ZMYND8: variants seen among roughly 807,000 people sequenced by gnomAD.
The protein encoded by ZMYND8 is MYND-type zinc finger-containing chromatin reader ZMYND8.
A neutral mutation model predicts 140.8 loss-of-function variants in ZMYND8; 37 were observed. That is an observed-to-expected ratio of 0.26 (90% CI 0.20 to 0.35). The LOEUF (loss-of-function observed/expected upper bound fraction) is 0.35, where lower values mean the gene tolerates loss of function less well. ZMYND8 is among the 10% of genes least tolerant of loss of function. The probability of loss-of-function intolerance (pLI) is 1.00; values close to 1 mark genes in which losing one functional copy is unlikely to be tolerated. For synonymous variants in ZMYND8, 592 were observed against 597.1 expected (o/e 0.99, Z 0.12); for missense variants, 1,068 against 1,570.0 (o/e 0.68, Z 5.40).
At chr20:47,260,745 G>T (rs1341448599) in intron 12 of ZMYND8, among the ~76,000 whole-genome samples, 1 of 152,082 alleles carries the variant, frequency 6.6e-6, no homozygotes, top group Non-Finnish European at 1.5e-5. Context: ...TGCCTCTCAT[G>T]GTGTGAACTG....
At chr20:47,277,988 T>C (rs1186151255) in intron 10 of ZMYND8, among the ~76,000 whole-genome samples, 1 of 151,948 alleles carries the variant, frequency 6.6e-6, no homozygotes, top group Non-Finnish European at 1.5e-5. Flanking sequence ...CTTGTTTTTT[T>C]AAGAGACAAG....
chr20:47,322,875 G>A (rs1378040447), intron 2 of ZMYND8, among the ~76,000 whole-genome samples: 1 of 152,302 alleles, frequency 6.6e-6, no homozygotes, highest in South Asian at 2.1e-4. Flanking sequence ...AGGCTTGTGA[G>A]TGCCACCTGG....
chr20:47,242,734 TAA>T (rs1028526866), intron 14 of ZMYND8, among the ~76,000 whole-genome samples: 1 of 152,206 alleles, frequency 6.6e-6, no homozygotes, highest in African/African-American at 2.4e-5. Context: ...TACAATCCGA[TAA>T]GATTCCAGGC....
At chr20:47,299,276 C>T (rs2077841448) in intron 3 of ZMYND8, among the ~76,000 whole-genome samples, 1 of 152,202 alleles carries the variant, frequency 6.6e-6, no homozygotes, top group African/African-American at 2.4e-5. Flanking sequence ...GGTGCATGAC[C>T]TTGGACAAGT....
At chr20:47,274,439 G>A (rs1256174532) in intron 11 of ZMYND8, among the ~76,000 whole-genome samples, 1 of 152,136 alleles carries the variant, frequency 6.6e-6, no homozygotes, top group East Asian at 1.9e-4. Flanking sequence ...CGCTGCCAAG[G>A]TTAAAATTTT....
chr20:47,220,503 G>A (rs1328735541), intron 20 of ZMYND8, among the ~76,000 whole-genome samples, 179 bp from the exon 21 acceptor site: 3 of 152,172 alleles, frequency 2.0e-5, no homozygotes, highest in African/African-American at 7.2e-5. Flanking sequence ...CAAACCCCAG[G>A]TACCATCTCC....
chr20:47,235,912 T>A (rs1237264744), intron 16 of ZMYND8, among the ~76,000 whole-genome samples: 6 of 152,142 alleles, frequency 3.9e-5, no homozygotes, highest in Non-Finnish European at 8.8e-5. Context: ...AATCAAAGTG[T>A]GGGCATCTCA....
chr20:47,245,247 A>G (rs2040422932), intron 14 of ZMYND8, among the ~76,000 whole-genome samples: 1 of 152,122 alleles, frequency 6.6e-6, no homozygotes, highest in Admixed American at 6.6e-5. Context: ...CTTTGAAATG[A>G]ACACTGCTTT....
chr20:47,331,417 A>C (rs2080934847), intron 2 of ZMYND8, among the ~76,000 whole-genome samples: 1 of 152,210 alleles, frequency 6.6e-6, no homozygotes, highest in Admixed American at 6.5e-5. Context: ...TCTGGGGGTG[A>C]AGATGTAAAA....
At chr20:47,303,524 C>G (rs1251458172) in intron 3 of ZMYND8, among the ~76,000 whole-genome samples, 1 of 152,094 alleles carries the variant, frequency 6.6e-6, no homozygotes, top group Non-Finnish European at 1.5e-5. Context: ...TCAAGACCAG[C>G]CTGGCCAACA....
intron 11 of ZMYND8, among the ~76,000 whole-genome samples, chr20:47,266,903 G>A (rs6018376): frequency 6.6e-6 from 1 of 152,002 alleles, no homozygotes; most frequent in African/African-American, 2.4e-5. Context: ...TTCACTCTTA[G>A]GTAAGTACCT....
At chr20:47,304,466 T>C (rs978260805) in intron 3 of ZMYND8, among the ~76,000 whole-genome samples, 6 of 152,202 alleles carry the variant, frequency 3.9e-5, no homozygotes, top group East Asian at 1.9e-4. Flanking sequence ...TAAAACTCTA[T>C]AAACACAGGC....
At chr20:47,215,131 G>A (rs980577545) in intron 21 of ZMYND8, among the ~76,000 whole-genome samples, 1 of 152,184 alleles carries the variant, frequency 6.6e-6, no homozygotes, top group Non-Finnish European at 1.5e-5. Context: ...CAAGCAGTCT[G>A]GGAGGCCGAG....
intron 12 of ZMYND8, among the ~76,000 whole-genome samples, chr20:47,257,336 TAC>T (rs1259913822): frequency 2.0e-5 from 3 of 151,828 alleles, no homozygotes; most frequent in Non-Finnish European, 4.4e-5. Flanking sequence ...CAAATACACA[TAC>T]ACTCACCATA....
chr20:47,278,378 G>A (rs535109193), intron 10 of ZMYND8, among the ~76,000 whole-genome samples: 3 of 152,322 alleles, frequency 2.0e-5, no homozygotes, highest in East Asian at 3.9e-4. Context: ...GAAAACTCAC[G>A]TCTGGTGGAA....
chr20:47,278,668 G>A (rs1244050282), intron 10 of ZMYND8, among the ~76,000 whole-genome samples: 2 of 151,884 alleles, frequency 1.3e-5, no homozygotes, highest in African/African-American at 2.4e-5. Context: ...CAAAAATATC[G>A]ATCTGCTCTA....
At position 47,347,935 on chromosome 20, in the gene ZMYND8, G is replaced by A; in HGVS notation, c.15-9C>T. The A allele has an allele frequency of 6.2e-7, 1 of 1,613,592 alleles. No homozygotes were observed. The highest frequency in any genetic ancestry group is 8.5e-7 in the Non-Finnish European group (1 of 1,179,952). ...TTTCCTCTTCAGCCAAGCTGAAACAGAGCAAATTATGTTCATGTTTAGGAA... is the reference window on the plus strand; with the variant it reads ...TTTCCTCTTCAGCCAAGCTGAAACAAAGCAAATTATGTTCATGTTTAGGAA... On this transcript the variant is annotated splice_polypyrimidine_tract_variant and intron_variant, in intron 1 of 22. Transcript: ENST00000471951.
At chr20:47,255,804 G>GTATA (rs371033807) in intron 12 of ZMYND8, among the ~76,000 whole-genome samples, 32,502 of 114,302 alleles carry the variant, frequency 0.28, 4,967 homozygotes, top group Non-Finnish European at 0.35. Context: ...TATATATACC[G>GTATA]TATATATATA....
intron 11 of ZMYND8, among the ~76,000 whole-genome samples, chr20:47,273,374 T>C (rs1237646109): frequency 6.6e-6 from 1 of 152,048 alleles, no homozygotes; most frequent in African/African-American, 2.4e-5. Context: ...GGTGAAACCC[T>C]GTCTCTACTA....
Sources: gnomAD v4.1 joint callset for allele counts (sites outside exome capture counted in the v4.1 genomes callset) on GRCh38, gnomAD v4.1.1 for gene constraint, MANE v1.5 for transcripts, NCBI Gene and HGNC (gene_info 2026-07-23, HGNC 2026-07-21) for gene names.